The following SLC25A12 variants were observed in gnomAD, a reference collection of about 807,000 sequenced individuals.
SLC25A12 encodes electrogenic aspartate/glutamate antiporter SLC25A12, mitochondrial.
SLC25A12 carries 32 observed loss-of-function variants against 83.3 expected under a neutral mutation model. That is an observed-to-expected ratio of 0.38 (90% CI 0.29 to 0.52). The LOEUF is 0.52. Among genes scored for constraint, SLC25A12 ranks in the 20% least tolerant of loss-of-function variants. The pLI is 0.84. For missense variants in SLC25A12, 611 were observed against 835.6 expected, an observed-to-expected ratio of 0.73 and a Z score of 3.31; for synonymous variants, 267 against 291.1, an observed-to-expected ratio of 0.92 and a Z score of 0.84.
intron 3 of SLC25A12, among the ~76,000 whole-genome samples, chr2:171,867,002 G>A (rs1685337342): frequency 1.3e-5 from 2 of 149,702 alleles, no homozygotes; most frequent in African/African-American, 2.5e-5. Flanking sequence ...ACGGGGTCGC[G>A]GCTGGGCAGA....
In SLC25A12 at chr2:171,812,548, T is replaced by A. The variant is rs987354720; in HGVS notation, c.1171+791A>T. 1.5e-4 allele frequency among the ~76,000 whole-genome samples: 23 copies of A among 151,716 alleles called. 1 individual carries two copies. On this transcript the variant is annotated intron_variant, in intron 11 of 17. Transcript: ENST00000422440. ...TTAATCTCCCTCCCAAAGGAAACCC[T>A]ATATTCTAATGTGAAAACACATACA...
chr2:171,857,232 A>T (rs755514453), intron 3 of SLC25A12, among the ~76,000 whole-genome samples: 2 of 152,142 alleles, frequency 1.3e-5, no homozygotes, highest in Admixed American at 6.6e-5. Context: ...TTAGCTGGGC[A>T]TGGTGGCACA....
chr2:171,860,591 C>T (rs1011463339), intron 3 of SLC25A12, among the ~76,000 whole-genome samples: 3 of 151,970 alleles, frequency 2.0e-5, no homozygotes, highest in South Asian at 4.1e-4. Context: ...AACAGAGACA[C>T]ACTCTGTCTC....
chr2:171,798,232 G>A (rs777086929), intron 13 of SLC25A12, among the ~76,000 whole-genome samples: 11 of 152,150 alleles, frequency 7.2e-5, no homozygotes, highest in Non-Finnish European at 1.5e-4. Flanking sequence ...AAAAGTTAGC[G>A]GGGAAAAGGA....
intron 2 of SLC25A12, among the ~76,000 whole-genome samples, chr2:171,883,343 C>A (rs958350028): frequency 1.3e-5 from 2 of 152,124 alleles, no homozygotes; most frequent in South Asian, 2.1e-4. Flanking sequence ...AGAAAACAGG[C>A]TCCAAAAGTA....
chr2:171,791,737 G>A lies in SLC25A12; in HGVS notation c.1447-148C>T, dbSNP rs1294939264. 3.9e-6 allele frequency: 3 copies of A among 760,360 alleles called. No individual in the cohort carries two copies. In the Admixed American group the frequency reaches 5.8e-5, roughly 15 times the overall value. The allele number at this position is 760,360 out of a possible 1,614,324, so 47.1% of individuals were successfully genotyped here. A position where few individuals can be genotyped will look rare whatever the true frequency, so the allele number is the denominator to read the frequency against. The stretch of plus-strand genomic sequence containing the variant: ...TCCCTTAAACAGCATTAGAACTGAT[G>A]TGCAAGGGAAATGGGGGAGGCGGGA... On this transcript the variant is annotated intron_variant, in intron 14 of 17. Transcript: ENST00000422440.
intron 5 of SLC25A12, among the ~76,000 whole-genome samples, chr2:171,844,052 T>C (rs1403817027): frequency 6.6e-6 from 1 of 152,200 alleles, no homozygotes; most frequent in Non-Finnish European, 1.5e-5. Context: ...CCCAAAGTGC[T>C]GGGATTACAG....
At chr2:171,887,411 C>T (rs189797823) in intron 2 of SLC25A12, among the ~76,000 whole-genome samples, 1 of 152,258 alleles carries the variant, frequency 6.6e-6, no homozygotes, top group African/African-American at 2.4e-5. Flanking sequence ...TAGTTGCAGT[C>T]TTAACATATA....
At chr2:171,848,163 A>G (rs1573979642) in intron 4 of SLC25A12, 1 of 471,060 alleles carries the variant, frequency 2.1e-6, no homozygotes, top group East Asian at 6.9e-5. Flanking sequence ...TTTCTGCAGT[A>G]CAAAATTACC....
At chr2:171,857,587 A>C (rs557762005) in intron 3 of SLC25A12, among the ~76,000 whole-genome samples, 1 of 152,202 alleles carries the variant, frequency 6.6e-6, no homozygotes, top group East Asian at 1.9e-4. Context: ...TGGGAGGCTG[A>C]AGTGGGAGGA....
chr2:171,866,712 C>A (rs866369580), intron 3 of SLC25A12, among the ~76,000 whole-genome samples: 1 of 127,580 alleles, frequency 7.8e-6, no homozygotes, highest in Non-Finnish European at 1.6e-5. Context: ...TAGGGGCAGC[C>A]GGGCAGAGGC....
intron 7 of SLC25A12, 97 bp from the exon 8 acceptor site, chr2:171,834,153 G>A: frequency 1.4e-6 from 1 of 721,932 alleles, no homozygotes; most frequent in Non-Finnish European, 2.5e-6. Context: ...AAAGCTATAG[G>A]CATTTTAGTA....
chr2:171,809,524 G>T, intron 13 of SLC25A12, 82 bp downstream of exon 13: 1 of 1,024,362 alleles, frequency 9.8e-7, no homozygotes, highest in Non-Finnish European at 1.6e-6. Context: ...CAAGAGAAAT[G>T]CCACTAAGAT....
intron 6 of SLC25A12, among the ~76,000 whole-genome samples, 174 bp from the exon 7 acceptor site, chr2:171,835,039 T>C (rs777131919): frequency 1.8e-4 from 28 of 152,338 alleles, no homozygotes; most frequent in Non-Finnish European, 3.2e-4. Flanking sequence ...CTGCATGCCC[T>C]CAGGGAAGTC....
chr2:171,788,172 TCA>T, intron 15 of SLC25A12: 1 of 521,330 alleles, frequency 1.9e-6, no homozygotes, highest in East Asian at 3.4e-5. Flanking sequence ...AAAAAAAAAA[TCA>T]CTCTACATTG....
At chr2:171,810,603 A>G (rs1683928241) in intron 11 of SLC25A12, among the ~76,000 whole-genome samples, 1 of 152,232 alleles carries the variant, frequency 6.6e-6, no homozygotes, top group Non-Finnish European at 1.5e-5. Flanking sequence ...GCCAATAACA[A>G]TGTAACCAAA....
At chr2:171,869,066 G>C (rs1331597473) in intron 2 of SLC25A12, among the ~76,000 whole-genome samples, 1 of 152,084 alleles carries the variant, frequency 6.6e-6, no homozygotes. Flanking sequence ...AGTGAAAGAA[G>C]ACAGACACTA....
At chr2:171,851,254 C>T (rs775462006) in intron 4 of SLC25A12, among the ~76,000 whole-genome samples, 15 of 151,046 alleles carry the variant, frequency 9.9e-5, no homozygotes, top group South Asian at 8.4e-4. Flanking sequence ...AGTGCAGTGG[C>T]GCAATCTCAG....
At chr2:171,840,302 T>A (rs1267573682) in intron 5 of SLC25A12, among the ~76,000 whole-genome samples, 1 of 151,624 alleles carries the variant, frequency 6.6e-6, no homozygotes, top group Non-Finnish European at 1.5e-5. Flanking sequence ...AAAGGATCCC[T>A]GGAACCTGGG....
Sources: gnomAD v4.1 joint callset for allele counts (sites outside exome capture counted in the v4.1 genomes callset) on GRCh38, gnomAD v4.1.1 for gene constraint, MANE v1.5 for transcripts, NCBI Gene and HGNC (gene_info 2026-07-23, HGNC 2026-07-21) for gene names.